Variants in RPS6KA4 observed in about 807,000 individuals in gnomAD.
The protein encoded by RPS6KA4 is ribosomal protein S6 kinase A4.
In RPS6KA4, 38 loss-of-function variants were observed where a neutral mutation model predicts 89.6. The ratio of observed to expected loss-of-function variants is 0.42; its 90% CI spans 0.33 to 0.56. RPS6KA4 has a LOEUF of 0.56. RPS6KA4 is among the 20% of genes least tolerant of loss of function. The pLI is 0.07. For synonymous variants in RPS6KA4, 495 were observed against 492.8 expected (o/e 1.00, Z -0.06); for missense variants, 873 against 1,098.8 (o/e 0.79, Z 2.90).
chr11:64,365,076 G>C (rs1227311196), intron 8 of RPS6KA4, among the ~76,000 whole-genome samples: 1 of 152,064 alleles, frequency 6.6e-6, no homozygotes, highest in Non-Finnish European at 1.5e-5. Context: ...TCTATTAAAA[G>C]TTCCAGAACT....
chr11:64,362,567 G>A lies in RPS6KA4; in HGVS notation c.906+565G>A, dbSNP rs2036782726. On this transcript the variant is annotated intron_variant, in intron 8 of 16. Coordinates refer to ENST00000334205, the MANE Select transcript of RPS6KA4 (RefSeq NM_003942.3). ...GGCCATGCGAGAATGCACTGACTCA[G>A]GGGCTGGGCCTGGCCAGCGTCATCG... is the stretch of plus-strand genomic sequence containing the variant. 2.6e-5 allele frequency among the ~76,000 whole-genome samples: 4 copies of A among 152,364 alleles called. No individual in the cohort carries two copies. In the South Asian group the frequency reaches 8.3e-4, roughly 32 times the overall value.
At chr11:64,367,984 C>T (rs2036929245) in intron 9 of RPS6KA4, 148 bp from the exon 10 acceptor site, 2 of 758,732 alleles carry the variant, frequency 2.6e-6, no homozygotes, top group Non-Finnish European at 4.3e-6. Flanking sequence ...AGTGTCCACA[C>T]ATCCTGTGTG....
At position 64,370,332 on chromosome 11, in the gene RPS6KA4, T is replaced by C; in HGVS notation, c.1905T>C (p.Leu635=). The change falls in exon 15 of 17, where the codon CTT becomes CTC. Residue 635 remains leucine, a synonymous_variant. Transcript: ENST00000334205. The surrounding 1 kb of genome is among the most constrained non-coding windows in gnomAD (Gnocchi z 4.1). ...MCKIREGRFS[L]DGEAWQGVSE... ...AAATCCGCGAGGGGCGCTTCTCCCT[T>C]GACGGGGAGGCCTGGCAGGGTGTAT... 1.2e-6 allele frequency: 2 copies of C among 1,604,598 alleles called. No homozygotes were observed.
In RPS6KA4 at chr11:64,359,445, G is replaced by C; in HGVS notation, c.123G>C (p.Thr41=). The C allele has an allele frequency of 6.2e-7, 1 of 1,613,490 alleles. No individual in the cohort carries two copies. The highest frequency in any genetic ancestry group is 8.5e-7 in the Non-Finnish European group (1 of 1,179,746). The change falls in exon 2 of 17, where the codon ACG becomes ACC. Residue 41 remains threonine (T), a synonymous_variant. Coordinates refer to ENST00000334205, the MANE Select transcript of RPS6KA4 (RefSeq NM_003942.3). ...TCGAGCTGCTCAAGGTGCTGGGCAC[G>C]GGAGGTGAGGACCCCCATCCACCGG... is the stretch of plus-strand genomic sequence containing the variant. ...ENFELLKVLG[T]GAYGKVFLVR...
At chr11:64,366,998 T>C (rs2036900894) in intron 9 of RPS6KA4, among the ~76,000 whole-genome samples, 1 of 152,230 alleles carries the variant, frequency 6.6e-6, no homozygotes, top group Non-Finnish European at 1.5e-5. Flanking sequence ...TAAAGTTCTT[T>C]CTCTTGAATT....
chr11:64,364,052 C>T (rs2036818850), intron 8 of RPS6KA4, among the ~76,000 whole-genome samples: 1 of 152,022 alleles, frequency 6.6e-6, no homozygotes, highest in African/African-American at 2.4e-5. Context: ...TTTTTCTTTT[C>T]ACATAAAAGA....
Position 64,361,732 on chromosome 11 carries a change from G to A in RPS6KA4, c.742G>A (p.Ala248Thr). ...CCTGGAGGGCGAGAGGAACACGCAG[G>A]CTGAGGTGTCTCGGTGAGTAGGGCT... ...FTLEGERNTQ[A>T]EVSRRILKCS... The change falls in exon 7 of 17, where the codon GCT becomes ACT. Residue 248 changes from alanine to threonine, a missense_variant. Ala to Thr is a moderately conservative substitution (Grantham distance 58). Transcript: ENST00000334205. This position sits in a 1 kb window ranked among gnomAD's most constrained non-coding sequence, Gnocchi z 4.7. 1 of 1,606,098 alleles carries A rather than the reference G, an allele frequency of 6.2e-7. No homozygotes were observed. The highest frequency in any genetic ancestry group is 8.5e-7 in the Non-Finnish European group (1 of 1,177,476).
chr11:64,371,137 C>T (rs928760708), intron 16 of RPS6KA4, 146 bp from the exon 17 acceptor site: 3 of 665,790 alleles, frequency 4.5e-6, no homozygotes, highest in African/African-American at 3.9e-5. Flanking sequence ...GGGAGGTGAA[C>T]CGAATCCGGT....
Position 64,370,414 on chromosome 11 carries a change from T to TGGGGAGGGGGACGCTGGGAC in RPS6KA4, c.1957+31_1957+50dup. 1.2e-6 allele frequency: 2 copies of TGGGGAGGGGGACGCTGGGAC among 1,606,888 alleles called. No individual in the cohort carries two copies. The highest frequency in any genetic ancestry group is 1.7e-6 in the Non-Finnish European group (2 of 1,177,758). On this transcript the variant is annotated intron_variant, in intron 15 of 16. Transcript: ENST00000334205. This position sits in a 1 kb window ranked among gnomAD's most constrained non-coding sequence, Gnocchi z 4.1. ...GGAGCTGGAGGTCATAGACCATGGTTGGGGAGGGGGACGCTGGGACAGGGA... is the reference window on the plus strand; with the variant it reads ...GGAGCTGGAGGTCATAGACCATGGTTGGGGAGGGGGACGCTGGGACGGGGAGGGGGACGCTGGGACAGGGA...
chr11:64,360,777 G>A (rs1283666127), intron 4 of RPS6KA4, 185 bp downstream of exon 4: 1 of 606,818 alleles, frequency 1.6e-6, no homozygotes. Flanking sequence ...GCCTGGTGGG[G>A]TCCCCTCCCC....
Position 64,359,280 on chromosome 11 carries a change from G to T in RPS6KA4, c.45G>T (p.Arg15=). The T allele has an allele frequency of 6.4e-7, 1 of 1,570,488 alleles. No individual in the cohort carries two copies. Among genetic ancestry groups the T allele is most frequent in the Non-Finnish European group, 8.7e-7 (1 of 1,155,980 alleles). ...DDDESCAVEL[R]ITEANLTGHE... is the part of the protein sequence containing the mutation. ...ATGAGAGCTGCGCCGTGGAGCTGCG[G>T]ATCACAGAAGGTGGGTGTGGGGCCT... The change falls in exon 1 of 17, where the codon CGG becomes CGT. Residue 15 remains arginine, a synonymous_variant. Transcript: ENST00000334205.
At position 64,361,441 on chromosome 11, in the gene RPS6KA4, A is replaced by G. The variant is rs775008309; in HGVS notation, c.571-28A>G. 37 of 1,613,088 alleles carry G rather than the reference A, an allele frequency of 2.3e-5. No homozygotes were observed. Among genetic ancestry groups the G allele is most frequent in the Non-Finnish European group, 2.8e-5 (33 of 1,179,356 alleles). On this transcript the variant is annotated intron_variant, in intron 5 of 16. Coordinates refer to ENST00000334205, the MANE Select transcript of RPS6KA4 (RefSeq NM_003942.3). The surrounding 1 kb of genome is among the most constrained non-coding windows in gnomAD (Gnocchi z 4.7). ...ACTGGGGCACAGGAGAGGTTTCGAC[A>G]TCTAAGCAGGACCTCTTGCCCTCCC...
intron 9 of RPS6KA4, 79 bp from the exon 10 acceptor site, chr11:64,368,053 C>G: frequency 6.5e-7 from 1 of 1,529,734 alleles, no homozygotes. Flanking sequence ...TTGCCTTTGC[C>G]TGGTTCCCCA....
At chr11:64,366,533 T>C (rs912333481) in intron 9 of RPS6KA4, among the ~76,000 whole-genome samples, 1 of 152,232 alleles carries the variant, frequency 6.6e-6, no homozygotes, top group Non-Finnish European at 1.5e-5. Context: ...GCTTGGGCAT[T>C]GAGGCCCTTC....
At position 64,369,561 on chromosome 11, in the gene RPS6KA4, C is replaced by G. The variant is rs759826654; in HGVS notation, c.1544C>G (p.Ser515Trp). 1.2e-6 allele frequency: 2 copies of G among 1,606,688 alleles called. No homozygotes were observed. The highest frequency in any genetic ancestry group is 1.7e-5 in the Admixed American group (1 of 59,268). ...AGCCAGATCCTGCGCAGCCTCGTGT[C>G]GGCCGTGAGCTTCATGCACGAGGAG... ...EASQILRSLV[S>W]AVSFMHEEAG... Residue 515 changes from serine (S) to tryptophan (W), a missense_variant, in exon 13 of 17, where the codon TCG becomes TGG. Coordinates refer to ENST00000334205, the MANE Select transcript of RPS6KA4 (RefSeq NM_003942.3).
In RPS6KA4 at chr11:64,360,286, C is replaced by A; in HGVS notation, c.251C>A (p.Thr84Asn). 1 of 1,547,734 alleles carries A rather than the reference C, an allele frequency of 6.5e-7. No homozygotes were observed. The highest frequency in any genetic ancestry group is 8.7e-7 in the Non-Finnish European group (1 of 1,146,224). ...GCCAAGACGCAAGAGCACACGCGCA[C>A]CGAGCGCTCGGTGCTGGAGCTGGTG... ...QRAKTQEHTR[T>N]ERSVLELVRQ... The change falls in exon 3 of 17, where the codon ACC becomes AAC. Residue 84 changes from threonine (T) to asparagine (N), a missense_variant. Transcript: ENST00000334205.
At chr11:64,360,064 C>A (rs2036700670) in intron 2 of RPS6KA4, 99 bp from the exon 3 acceptor site, 1 of 1,169,210 alleles carries the variant, frequency 8.6e-7, no homozygotes, top group Non-Finnish European at 1.2e-6. Flanking sequence ...TCCTTCGCCT[C>A]ATTTGCACAC....
chr11:64,359,480 C>A (rs1022415826), intron 2 of RPS6KA4, 31 bp downstream of exon 2: 1 of 1,610,330 alleles, frequency 6.2e-7, no homozygotes, highest in Non-Finnish European at 8.5e-7. Flanking sequence ...GGCAGGCGTC[C>A]CAGGCGCGGT....
Position 64,370,145 on chromosome 11 carries a change from G to C in RPS6KA4, c.1798-80G>C. The C allele has an allele frequency of 6.8e-7, 1 of 1,461,012 alleles. No individual in the cohort carries two copies. The highest frequency in any genetic ancestry group is 9.1e-7 in the Non-Finnish European group (1 of 1,095,980). The allele number at this position is 1,461,012 out of a possible 1,614,324, so 90.5% of individuals were successfully genotyped here. The stretch of plus-strand genomic sequence containing the variant: ...CTCAGGAGTGCCCCTAGTGGGGAGG[G>C]TGAGTGGTTCTGTGGGAGCGGAGGG... On this transcript the variant is annotated intron_variant, in intron 14 of 16. Coordinates refer to ENST00000334205, the MANE Select transcript of RPS6KA4 (RefSeq NM_003942.3). This position sits in a 1 kb window ranked among gnomAD's most constrained non-coding sequence, Gnocchi z 4.1.
Sources: gnomAD v4.1 joint callset for allele counts (sites outside exome capture counted in the v4.1 genomes callset) on GRCh38, gnomAD v4.1.1 for gene constraint, Gnocchi (gnomAD v3.1) non-coding constraint, MANE v1.5 for transcripts, NCBI Gene and HGNC (gene_info 2026-07-23, HGNC 2026-07-21) for gene names.